Variants in TRIM5 observed in about 807,000 individuals in gnomAD.
TRIM5 encodes the protein tripartite motif-containing protein 5.
A neutral mutation model predicts 35.6 loss-of-function variants in TRIM5; 31 were observed. That is an observed-to-expected ratio of 0.87 (90% CI 0.65 to 1.18). The LOEUF is 1.18. Among genes scored for constraint, TRIM5 ranks in the 50% most tolerant of loss-of-function variants. TRIM5 has a pLI of 0.00. For synonymous variants in TRIM5, 243 were observed against 215.6 expected (o/e 1.13, Z -1.11); for missense variants, 609 against 591.6 (o/e 1.03, Z -0.31).
chr11:5,589,578 T>C, the TRIM5 span: 1 of 152,202 alleles, frequency 6.6e-6, no homozygotes, highest in Non-Finnish European at 1.5e-5. Context: ...ATCTTCGGCA[T>C]GTGTTCATTT....
At chr11:5,658,673 A>G (rs150837507), downstream of TRIM5, among the ~76,000 whole-genome samples, 8 of 152,294 alleles carry the variant, frequency 5.3e-5, no homozygotes, top group South Asian at 4.1e-4. Flanking sequence ...ATGTTGATCT[A>G]TGGGTGAGGA....
At chr11:5,629,596 G>A in the TRIM5 span, among the ~76,000 whole-genome samples, 1 of 152,184 alleles carries the variant, frequency 6.6e-6, no homozygotes, top group Admixed American at 6.5e-5. Context: ...ATAATTGCAG[G>A]TTTGTTTTGC....
At chr11:5,668,312 A>C (rs1851302501) in intron 4 of TRIM5, among the ~76,000 whole-genome samples, 1 of 111,608 alleles carries the variant, frequency 9.0e-6, no homozygotes, top group African/African-American at 4.7e-5. Flanking sequence ...ACAAGAAAAC[A>C]TATATATATA....
At chr11:5,604,065 G>A in the TRIM5 span, among the ~76,000 whole-genome samples, 2 of 152,158 alleles carry the variant, frequency 1.3e-5, no homozygotes, top group African/African-American at 2.4e-5. Context: ...GTGCGATCCC[G>A]GCTCACTGCA....
At chr11:5,657,612 ATATTATATATAATGCATTATAT>A in the TRIM5 span, among the ~76,000 whole-genome samples, 7 of 105,028 alleles carry the variant, frequency 6.7e-5, no homozygotes, top group East Asian at 2.7e-3. Flanking sequence ...ATATATTTAT[ATATTATATATAATGCATTATAT>A]ATATTATTTA....
At chr11:5,684,164 C>G (rs1253749253) in intron 1 of TRIM5, 1 of 174,814 alleles carries the variant, frequency 5.7e-6, no homozygotes, top group Non-Finnish European at 1.2e-5. Context: ...GACCAAGAAC[C>G]CACCAATTCC....
chr11:5,680,778 T>C (rs1852378317), intron 1 of TRIM5, among the ~76,000 whole-genome samples: 1 of 152,258 alleles, frequency 6.6e-6, no homozygotes. Context: ...ACGTTTGCAA[T>C]GATTGCTCTT....
chr11:5,656,400 C>T, the TRIM5 span, among the ~76,000 whole-genome samples: 11 of 149,514 alleles, frequency 7.4e-5, no homozygotes, highest in African/African-American at 2.2e-4. Context: ...GTTGCCCACA[C>T]CAGAGTGCAG....
In TRIM5 at chr11:5,678,196, CTT is replaced by C; in HGVS notation, c.744+6_744+7del. 1.6e-5 allele frequency: 25 copies of C among 1,598,444 alleles called. No homozygotes were observed. The highest frequency in any genetic ancestry group is 2.1e-5 in the Non-Finnish European group (24 of 1,169,648). On this transcript the variant is annotated splice_donor_region_variant and intron_variant, in intron 4 of 7. Transcript: ENST00000380034. ...ATCTCAGTGCTCAGGCTTCTTTCCA[CTT>C]TTTACCTGAAGCAGCTCCATCACTG...
the TRIM5 span, among the ~76,000 whole-genome samples, chr11:5,600,730 GA>G: frequency 1.3e-5 from 2 of 152,144 alleles, no homozygotes; most frequent in Non-Finnish European, 2.9e-5. Flanking sequence ...CTTTTGCTGG[GA>G]AACCAGCCAA....
At chr11:5,635,184 T>A in the TRIM5 span, among the ~76,000 whole-genome samples, 1 of 151,890 alleles carries the variant, frequency 6.6e-6, no homozygotes, top group African/African-American at 2.4e-5. Context: ...TTTAAGAGCA[T>A]ACACATTTAA....
the TRIM5 span, chr11:5,634,655 A>T: frequency 6.2e-7 from 1 of 1,613,496 alleles, no homozygotes; most frequent in Non-Finnish European, 8.5e-7. Context: ...TGAGAGACAA[A>T]GGATACAAAC....
At chr11:5,668,852 A>G (rs1851343803) in intron 4 of TRIM5, among the ~76,000 whole-genome samples, 1 of 152,096 alleles carries the variant, frequency 6.6e-6, no homozygotes, top group South Asian at 2.1e-4. Flanking sequence ...CTGATTTCCA[A>G]TTCCCTACTT....
At chr11:5,678,180 C>T in intron 4 of TRIM5, 24 bp downstream of exon 4, 1 of 1,580,554 alleles carries the variant, frequency 6.3e-7, no homozygotes, top group South Asian at 1.1e-5. Context: ...AATCTCAGTG[C>T]TCAGGCTTCT....
rs764428543 is a variant in TRIM5, at chr11:5,666,033, T to C, written c.816A>G (p.Gln272=). ...LKKPETFPKN[Q]RRVFRAPDLK... Reference sequence around the variant, plus strand: ...GATCAGGAGCTCGAAACACTCTCCTTTGATTTTTTGGAAAAGTTTCTGGCT... The same window carrying C: ...GATCAGGAGCTCGAAACACTCTCCTCTGATTTTTTGGAAAAGTTTCTGGCT... The change falls in exon 6 of 8, where the codon CAA becomes CAG. Residue 272 remains glutamine, a synonymous_variant. Coordinates refer to ENST00000380034, the MANE Select transcript of TRIM5 (RefSeq NM_033034.3). 9 of 1,613,778 alleles carry C rather than the reference T, an allele frequency of 5.6e-6. No individual in the cohort carries two copies. The highest frequency in any genetic ancestry group is 2.2e-5 in the East Asian group (1 of 44,878).
the TRIM5 span, chr11:5,644,441 T>C: frequency 5.1e-6 from 2 of 393,332 alleles, no homozygotes; most frequent in Admixed American, 4.4e-5. Flanking sequence ...TTTGTGGCCT[T>C]CAGAGGAATA....
In TRIM5 at chr11:5,664,789, G is replaced by C. The variant is rs1477227343; in HGVS notation, c.*20C>G. The C allele has an allele frequency of 7.0e-6, 11 of 1,565,162 alleles. No homozygotes were observed. The highest frequency in any genetic ancestry group is 9.5e-6 in the Non-Finnish European group (11 of 1,160,186). ...TGGACAAGAGGTGCTGTACAGAAGG[G>C]GCTGAGTGTGTAAGAAGGTTCAAGA... is the stretch of plus-strand genomic sequence containing the variant. On this transcript the variant is annotated 3_prime_UTR_variant, in exon 8 of 8. Transcript: ENST00000380034.
chr11:5,634,741 G>A, the TRIM5 span: 1 of 1,614,090 alleles, frequency 6.2e-7, no homozygotes, highest in Admixed American at 1.7e-5. Flanking sequence ...AAGAAGAAAA[G>A]AAGACGCTGG....
At chr11:5,609,837 C>G in the TRIM5 span, among the ~76,000 whole-genome samples, 1 of 152,118 alleles carries the variant, frequency 6.6e-6, no homozygotes, top group Non-Finnish European at 1.5e-5. Flanking sequence ...GCAGGAGAAT[C>G]GCTTGAACCT....
Sources: gnomAD v4.1 joint callset for allele counts (sites outside exome capture counted in the v4.1 genomes callset) on GRCh38, gnomAD v4.1.1 for gene constraint, MANE v1.5 for transcripts, NCBI Gene and HGNC (gene_info 2026-07-23, HGNC 2026-07-21) for gene names.